CENPI: variants seen among roughly 807,000 people sequenced by gnomAD.
CENPI encodes centromere protein I, also known as FSH primary response 1.
CENPI carries 4 observed loss-of-function variants against 60.4 expected under a neutral mutation model. That is an observed-to-expected ratio of 0.07 (90% confidence interval 0.03 to 0.15). The LOEUF is 0.15. Ranked by LOEUF, CENPI falls within the 10% of genes least tolerant of loss-of-function variation. CENPI has a pLI of 1.00. For synonymous variants in CENPI, 157 were observed against 189.4 expected, an observed-to-expected ratio of 0.83 and a Z score of 1.40; for missense variants, 444 against 534.5, an observed-to-expected ratio of 0.83 and a Z score of 1.67.
At chrX:101,137,297 C>A (rs2089857818) in intron 15 of CENPI, among the ~76,000 whole-genome samples, 1 of 111,946 alleles carries the variant, frequency 8.9e-6, no homozygotes, top group East Asian at 2.8e-4. Flanking sequence ...TTTTCTTAAA[C>A]TCTTCCCTTG....
chrX:101,158,545 G>T (rs1380060623), intron 20 of CENPI, among the ~76,000 whole-genome samples: 1 of 110,321 alleles, frequency 9.1e-6, no homozygotes, highest in Non-Finnish European at 1.9e-5. Flanking sequence ...CCAAAGTGCT[G>T]GGATTACAGG....
intron 4 of CENPI, 105 bp downstream of exon 4, chrX:101,102,516 C>CACACACACACACACACACACATATAT (rs778560144): frequency 2.0e-5 from 4 of 196,771 alleles, no homozygotes; most frequent in African/African-American, 1.0e-4. Context: ...CACACACACA[C>CACACACACACACACACACACATATAT]ATATATATAT....
At chrX:101,152,074 T>C in intron 20 of CENPI, among the ~76,000 whole-genome samples, 1 of 105,814 alleles carries the variant, frequency 9.5e-6, no homozygotes, top group East Asian at 3.0e-4. Context: ...TAGAAGTTTC[T>C]TTTTTTTTGA....
the CENPI span, among the ~76,000 whole-genome samples, chrX:101,172,783 G>A: frequency 9.0e-6 from 1 of 110,922 alleles, no homozygotes; most frequent in African/African-American, 3.3e-5. Context: ...AAACTTATAA[G>A]GACTATTTTA....
intron 13 of CENPI, among the ~76,000 whole-genome samples, chrX:101,131,976 C>T (rs1325093074): frequency 8.9e-6 from 1 of 111,756 alleles, no homozygotes; most frequent in African/African-American, 3.3e-5. Flanking sequence ...TATTTGAGAA[C>T]TGTATTGATA....
rs1215840824 is a variant in CENPI, at chrX:101,102,423, A to C, written c.364+12A>C. 1 of 1,117,391 alleles carries C rather than the reference A, an allele frequency of 8.9e-7. No individual in the cohort carries two copies. The allele number at this position is 1,117,391 out of a possible 1,213,427, so 92.1% of individuals were successfully genotyped here. A position where few individuals can be genotyped will look rare whatever the true frequency, so the allele number is the denominator to read the frequency against. ...CAGTGGCAAATTTGGTATGTTGAGG[A>C]AATGCTTTTTTTTTCTTTTAACTCA... On this transcript the variant is annotated intron_variant, in intron 4 of 21. Transcript: ENST00000682095.
At chrX:101,150,586 T>A (rs182649815) in intron 20 of CENPI, among the ~76,000 whole-genome samples, 1 of 110,648 alleles carries the variant, frequency 9.0e-6, no homozygotes, top group Non-Finnish European at 1.9e-5. Flanking sequence ...TCCAGGCTGG[T>A]CTCAAACTCC....
chrX:101,122,589 T>C (rs1050498725), intron 8 of CENPI, among the ~76,000 whole-genome samples: 3 of 111,558 alleles, frequency 2.7e-5, no homozygotes, highest in Non-Finnish European at 5.6e-5. Context: ...TAATAAAAGA[T>C]CTTAGTACCC....
intron 13 of CENPI, among the ~76,000 whole-genome samples, chrX:101,130,701 A>C (rs1349069404): frequency 1.8e-5 from 2 of 112,347 alleles, no homozygotes; most frequent in Non-Finnish European, 3.8e-5. Context: ...TCTTACAATC[A>C]ACAAACATTT....
At chrX:101,130,766 G>A (rs1417619987) in intron 13 of CENPI, among the ~76,000 whole-genome samples, 1 of 111,866 alleles carries the variant, frequency 8.9e-6, no homozygotes, top group Non-Finnish European at 1.9e-5. Context: ...GTAACCCTGA[G>A]TTGTATTTTA....
intron 20 of CENPI, among the ~76,000 whole-genome samples, chrX:101,154,611 A>C (rs991235299): frequency 9.0e-6 from 1 of 111,508 alleles, no homozygotes; most frequent in African/African-American, 3.3e-5. Flanking sequence ...AAACGGATCC[A>C]GCTGCGATTC....
downstream of CENPI, among the ~76,000 whole-genome samples, chrX:101,167,573 G>A (rs5967260): frequency 0.056 from 6,199 of 111,440 alleles, 486 homozygotes; most frequent in African/African-American, 0.19. Flanking sequence ...CACTTTCTGC[G>A]TAATCAATTG....
At chrX:101,100,852 G>C (rs2089406969) in intron 2 of CENPI, among the ~76,000 whole-genome samples, 1 of 112,240 alleles carries the variant, frequency 8.9e-6, no homozygotes, top group Admixed American at 9.5e-5. Flanking sequence ...TACCTTGTCA[G>C]GTTGTTTCTA....
chrX:101,172,739 T>G, the CENPI span, among the ~76,000 whole-genome samples: 4 of 111,674 alleles, frequency 3.6e-5, no homozygotes, highest in African/African-American at 1.3e-4. Context: ...ACATTTTAAA[T>G]GGATAAATTG....
At chrX:101,174,468 A>G in the CENPI span, among the ~76,000 whole-genome samples, 1 of 112,325 alleles carries the variant, frequency 8.9e-6, no homozygotes, top group South Asian at 3.7e-4. Context: ...CATACATGCC[A>G]TAGAATACTA....
Position 101,127,208 on chromosome X carries a change from C to T in CENPI, c.848C>T (p.Pro283Leu). The change falls in exon 10 of 22, where the codon CCT (proline) becomes CTT (leucine). Residue 283 changes from proline (P) to leucine (L), a missense_variant. Transcript: ENST00000682095. Reference protein sequence around the residue: ...LLAVKQRNRGPSPEPLKLMLG... With the variant: ...LLAVKQRNRGLSPEPLKLMLG... Reference sequence around the variant, plus strand: ...GCCGTGAAGCAAAGAAACCGGGGACCTTCTCCAGAACCTCTGAAGTTGATG... The same window carrying T: ...GCCGTGAAGCAAAGAAACCGGGGACTTTCTCCAGAACCTCTGAAGTTGATG... 2 of 1,198,794 alleles carry T rather than the reference C, an allele frequency of 1.7e-6. No individual in the cohort carries two copies. The highest frequency in any genetic ancestry group is 2.2e-6 in the Non-Finnish European group (2 of 889,693).
At chrX:101,103,428 G>C (rs1422923111) in intron 4 of CENPI, among the ~76,000 whole-genome samples, 3 of 110,324 alleles carry the variant, frequency 2.7e-5, no homozygotes. Context: ...TGCAACCTCT[G>C]CCTCCCAGGT....
intron 21 of CENPI, among the ~76,000 whole-genome samples, chrX:101,162,473 A>AAAT (rs1303045267): frequency 5.9e-4 from 40 of 68,110 alleles, no homozygotes; most frequent in Non-Finnish European, 8.7e-4. Context: ...AAAAAAAAAA[A>AAAT]ATATATATAT....
chrX:101,110,018 C>G lies in CENPI; in HGVS notation c.591+20C>G, dbSNP rs1219115171. 9.4e-6 allele frequency: 9 copies of G among 955,208 alleles called. No individual in the cohort carries two copies. The highest frequency in any genetic ancestry group is 1.5e-6 in the Non-Finnish European group (1 of 668,367). The allele number at this position is 955,208 out of a possible 1,213,427, so 78.7% of individuals were successfully genotyped here. On this transcript the variant is annotated intron_variant, in intron 6 of 21. Coordinates refer to ENST00000682095, the MANE Select transcript of CENPI (RefSeq NM_001386188.2). ...GCACTGGTAAGTAAAAATTGGACAG[C>G]ATTAGGCATCAATCAAATAGTACAT...
Sources: gnomAD v4.1 joint callset for allele counts (sites outside exome capture counted in the v4.1 genomes callset) on GRCh38, gnomAD v4.1.1 for gene constraint, MANE v1.5 for transcripts, NCBI Gene and HGNC (gene_info 2026-07-23, HGNC 2026-07-21) for gene names.